The following WWOX variants were observed in gnomAD, a reference collection of about 807,000 sequenced individuals.
WWOX encodes the protein WW domain containing oxidoreductase, also known as WW domain-containing oxidoreductase.
A neutral mutation model predicts 46.2 loss-of-function variants in WWOX; 69 were observed. That is an observed-to-expected ratio of 1.49 (90% CI 1.23 to 1.82). WWOX has a LOEUF of 1.82. Ranked by LOEUF, WWOX falls within the 40% of genes most tolerant of loss-of-function variation. WWOX has a pLI of 0.00. For synonymous variants in WWOX, 359 were observed against 202.6 expected (o/e 1.77, Z -6.56); for missense variants, 919 against 542.6 (o/e 1.69, Z -6.89).
At chr16:78,213,520 C>T (rs1182490496) in intron 5 of WWOX, among the ~76,000 whole-genome samples, 1 of 151,606 alleles carries the variant, frequency 6.6e-6, no homozygotes, top group Non-Finnish European at 1.5e-5. Context: ...CTCACAACTG[C>T]CATAGTGGCA....
At chr16:78,932,851 C>T (rs1040756591) in intron 8 of WWOX, among the ~76,000 whole-genome samples, 2 of 152,182 alleles carry the variant, frequency 1.3e-5, no homozygotes, top group Non-Finnish European at 2.9e-5. Context: ...ATTTGGAGGT[C>T]ATCTGGCCCA....
At chr16:78,553,687 T>C (rs1308437059) in intron 8 of WWOX, among the ~76,000 whole-genome samples, 3 of 152,028 alleles carry the variant, frequency 2.0e-5, no homozygotes, top group Non-Finnish European at 4.4e-5. Context: ...TTGACCATGA[T>C]AGAGAACCTT....
At chr16:78,251,776 G>C (rs1160704085) in intron 5 of WWOX, among the ~76,000 whole-genome samples, 1 of 152,180 alleles carries the variant, frequency 6.6e-6, no homozygotes, top group Non-Finnish European at 1.5e-5. Context: ...ATCGTTAAAG[G>C]ATTAGTCAGC....
chr16:78,661,155 A>C (rs371014053), intron 8 of WWOX, among the ~76,000 whole-genome samples: 2 of 152,284 alleles, frequency 1.3e-5, no homozygotes, highest in East Asian at 3.9e-4. Context: ...AACTTCACCA[A>C]AATTACTAAA....
At chr16:78,781,071 C>A (rs377363471) in intron 8 of WWOX, among the ~76,000 whole-genome samples, 1 of 152,120 alleles carries the variant, frequency 6.6e-6, no homozygotes, top group African/African-American at 2.4e-5. Flanking sequence ...AAAACAGAAG[C>A]CTCCTAATTA....
chr16:78,787,668 C>T (rs1233754485), intron 8 of WWOX, among the ~76,000 whole-genome samples: 1 of 152,126 alleles, frequency 6.6e-6, no homozygotes, highest in African/African-American at 2.4e-5. Flanking sequence ...GTTTTCCATT[C>T]TTGGGCATAT....
intron 8 of WWOX, among the ~76,000 whole-genome samples, chr16:78,613,221 C>T (rs1361150850): frequency 2.6e-5 from 4 of 152,164 alleles, no homozygotes; most frequent in African/African-American, 9.7e-5. Context: ...ATGCCCAGGT[C>T]CCATTTCCTG....
At chr16:78,656,688 G>C (rs2047088647) in intron 8 of WWOX, among the ~76,000 whole-genome samples, 1 of 152,104 alleles carries the variant, frequency 6.6e-6, no homozygotes, top group Admixed American at 6.6e-5. Context: ...TGAAATTTTG[G>C]CTGGGACACA....
intron 8 of WWOX, among the ~76,000 whole-genome samples, chr16:79,060,352 G>T (rs908977273): frequency 6.6e-6 from 1 of 152,238 alleles, no homozygotes; most frequent in Admixed American, 6.5e-5. Context: ...TCTCCAGTGA[G>T]GCTTTTGGCC....
intron 6 of WWOX, among the ~76,000 whole-genome samples, chr16:78,422,810 CATATATATACACACACAT>C (rs1336892958): frequency 1.7e-5 from 2 of 119,942 alleles, no homozygotes; most frequent in African/African-American, 9.1e-5. Flanking sequence ...TATACACACA[CATATATATACACACACAT>C]ATATATATAT....
intron 8 of WWOX, among the ~76,000 whole-genome samples, chr16:78,882,001 C>T (rs1231847877): frequency 6.6e-6 from 1 of 152,098 alleles, no homozygotes; most frequent in South Asian, 2.1e-4. Context: ...TGGCGCATGC[C>T]TGTAATCCCA....
At chr16:78,114,375 C>G (rs890359665) in intron 3 of WWOX, among the ~76,000 whole-genome samples, 5 of 152,224 alleles carry the variant, frequency 3.3e-5, no homozygotes, top group Non-Finnish European at 7.3e-5. Flanking sequence ...GCCGAGATTA[C>G]AGGCGTGAGC....
chr16:78,792,180 C>T (rs770455519), intron 8 of WWOX, among the ~76,000 whole-genome samples: 9 of 152,120 alleles, frequency 5.9e-5, no homozygotes, highest in Non-Finnish European at 5.9e-5. Context: ...ATTCGATTCT[C>T]GCCATCTCTG....
At chr16:78,639,521 T>G (rs764126079) in intron 8 of WWOX, among the ~76,000 whole-genome samples, 1 of 151,630 alleles carries the variant, frequency 6.6e-6, no homozygotes, top group Non-Finnish European at 1.5e-5. Flanking sequence ...TGGTGGTGGG[T>G]GGGATGGAGA....
chr16:78,304,921 CTT>C (rs969335936), intron 5 of WWOX, among the ~76,000 whole-genome samples: 77 of 152,022 alleles, frequency 5.1e-4, no homozygotes, highest in African/African-American at 1.9e-3. Flanking sequence ...TTCTTCCTCT[CTT>C]TCCTTCCTCT....
chr16:78,868,609 A>G (rs999174882), intron 8 of WWOX, among the ~76,000 whole-genome samples: 2 of 152,238 alleles, frequency 1.3e-5, no homozygotes, highest in African/African-American at 4.8e-5. Flanking sequence ...GAACATAGAA[A>G]GATTTTCACC....
chr16:78,447,975 T>C (rs1319365855), intron 8 of WWOX, among the ~76,000 whole-genome samples: 2 of 152,150 alleles, frequency 1.3e-5, no homozygotes, highest in East Asian at 3.9e-4. Flanking sequence ...AGCTGACTTT[T>C]GTATTTTTAG....
intron 5 of WWOX, among the ~76,000 whole-genome samples, chr16:78,323,910 A>G (rs1326438971): frequency 6.6e-6 from 1 of 152,172 alleles, no homozygotes; most frequent in African/African-American, 2.4e-5. Flanking sequence ...TATGGTCTGA[A>G]TAATAAGCAT....
intron 1 of WWOX, among the ~76,000 whole-genome samples, chr16:78,107,222 C>G (rs575285060): frequency 6.6e-6 from 1 of 152,272 alleles, no homozygotes; most frequent in Non-Finnish European, 1.5e-5. Flanking sequence ...TCTTGTAGCA[C>G]CTGGCTGTTT....
Sources: gnomAD v4.1 joint callset for allele counts (sites outside exome capture counted in the v4.1 genomes callset) on GRCh38, gnomAD v4.1.1 for gene constraint, MANE v1.5 for transcripts, NCBI Gene and HGNC (gene_info 2026-07-23, HGNC 2026-07-21) for gene names.